SPINT2: variants seen among roughly 807,000 people sequenced by gnomAD.
The protein encoded by SPINT2 is kunitz-type protease inhibitor 2.
SPINT2 carries 18 observed loss-of-function variants against 30.1 expected under a neutral mutation model. That is an observed-to-expected ratio of 0.60 (90% CI 0.41 to 0.89). SPINT2 has a LOEUF of 0.89. Among genes scored for constraint, SPINT2 ranks in the 40% least tolerant of loss-of-function variants. The pLI, the probability that SPINT2 is intolerant of heterozygous loss-of-function variation, is 0.00. For synonymous variants in SPINT2, 139 were observed against 137.9 expected (o/e 1.01, Z -0.05); for missense variants, 276 against 334.3 (o/e 0.83, Z 1.36).
Position 38,289,064 on chromosome 19 carries a change from T to G in SPINT2, c.338-74T>G, listed in dbSNP as rs187841263. The G allele has an allele frequency of 1.3e-4, 181 of 1,433,760 alleles. 2 individuals are homozygous for G. The African/African-American group carries it at 2.4e-3, about 19-fold the overall frequency. The allele number at this position is 1,433,760 out of a possible 1,614,324, so 88.8% of individuals were successfully genotyped here. ...GTGTCCACACTCCTCAGTGGGCCCT[T>G]CCAGACCCAGACCCAGCTAGGCCTG... is the stretch of plus-strand genomic sequence containing the variant. On this transcript the variant is annotated intron_variant, in intron 3 of 6. Coordinates refer to ENST00000301244, the MANE Select transcript of SPINT2 (RefSeq NM_021102.4).
Position 38,264,818 on chromosome 19 carries a change from T to G in SPINT2, c.-75T>G. ...GAGGCGCTCCATTGCGCGTGCGCGT[T>G]GAGGGGCTTCCCGCACCTGATCGCG... is the stretch of plus-strand genomic sequence containing the variant. On this transcript the variant is annotated 5_prime_UTR_variant, in exon 1 of 7. Transcript: ENST00000301244. The G allele has an allele frequency of 2.1e-6, 3 of 1,453,088 alleles. No individual in the cohort carries two copies. Among genetic ancestry groups the G allele is most frequent in the Non-Finnish European group, 2.8e-6 (3 of 1,076,796 alleles). 90.0% of individuals were successfully genotyped at this position (1,453,088 alleles called of 1,614,324 possible).
chr19:38,269,269 T>C (rs530622086), intron 1 of SPINT2, among the ~76,000 whole-genome samples: 1 of 151,926 alleles, frequency 6.6e-6, no homozygotes, highest in East Asian at 1.9e-4. Flanking sequence ...GGCTAATTTT[T>C]TGTATTTTTA....
In SPINT2 at chr19:38,273,057, A is replaced by G. The variant is rs112040934; in HGVS notation, c.106+8059A>G. Among the ~76,000 whole-genome samples the G allele has an allele frequency of 8.9e-3, 1,350 of 152,160 alleles. 15 individuals are homozygous for G. Among genetic ancestry groups the G allele is most frequent in the Non-Finnish European group, 0.014 (934 of 68,000 alleles). ...ACTTTTATATCTAAATATTTTATATAGAAAATACCAAGATTTTATATCTGA... is the reference window on the plus strand; with the variant it reads ...ACTTTTATATCTAAATATTTTATATGGAAAATACCAAGATTTTATATCTGA... On this transcript the variant is annotated intron_variant, in intron 1 of 6. Coordinates refer to ENST00000301244, the MANE Select transcript of SPINT2 (RefSeq NM_021102.4).
chr19:38,267,480 G>A (rs1021265587), intron 1 of SPINT2, among the ~76,000 whole-genome samples: 2 of 152,048 alleles, frequency 1.3e-5, no homozygotes, highest in South Asian at 4.1e-4. Context: ...ACATGAGGGG[G>A]CGGAGGGCCG....
chr19:38,274,028 C>G (rs1171421981), intron 1 of SPINT2, among the ~76,000 whole-genome samples: 1 of 151,784 alleles, frequency 6.6e-6, no homozygotes, highest in Non-Finnish European at 1.5e-5. Context: ...CCCAGGACTT[C>G]AATACTAGTC....
chr19:38,268,766 C>CGCGT (rs375982086), intron 1 of SPINT2, among the ~76,000 whole-genome samples: 8 of 149,922 alleles, frequency 5.3e-5, no homozygotes, highest in African/African-American at 1.7e-4. Context: ...TGCGCGCGCG[C>CGCGT]GTGTGTGTGT....
chr19:38,269,400 C>CTTTTTT (rs397859727), intron 1 of SPINT2, among the ~76,000 whole-genome samples: 1 of 64,896 alleles, frequency 1.5e-5, no homozygotes, highest in African/African-American at 7.4e-5. Flanking sequence ...TCTCCTGCAC[C>CTTTTTT]TTTTTTTTTT....
intron 1 of SPINT2, among the ~76,000 whole-genome samples, chr19:38,269,705 G>A: frequency 6.6e-6 from 1 of 151,338 alleles, no homozygotes; most frequent in East Asian, 1.9e-4. Flanking sequence ...CCGCCTCCTG[G>A]GTTCACACCA....
intron 1 of SPINT2, among the ~76,000 whole-genome samples, chr19:38,268,766 C>CGCGTGTGTGTGT (rs375982086): frequency 2.7e-5 from 4 of 149,818 alleles, no homozygotes; most frequent in African/African-American, 9.8e-5. Context: ...TGCGCGCGCG[C>CGCGTGTGTGTGT]GTGTGTGTGT....
rs1968729064 is a variant in SPINT2 at position 38,292,090 on chromosome 19, A to G, written c.*84A>G. 6.5e-7 allele frequency: 1 copy of G among 1,537,288 alleles called. No individual in the cohort carries two copies. The highest frequency in any genetic ancestry group is 8.8e-7 in the Non-Finnish European group (1 of 1,134,838). ...AAATAGAGGGATTGACTCGGATTTG[A>G]GTGATCATTAGGGCTGAGGTCTGTT... On this transcript the variant is annotated 3_prime_UTR_variant, in exon 7 of 7. Transcript: ENST00000301244.
In SPINT2 at chr19:38,283,176, A is replaced by G. The variant is rs561928633; in HGVS notation, c.107-451A>G. 5.3e-5 allele frequency among the ~76,000 whole-genome samples: 8 copies of G among 152,138 alleles called. No homozygotes were observed. The East Asian group carries it at 1.4e-3, about 26-fold the overall frequency. On this transcript the variant is annotated intron_variant, in intron 1 of 6. Transcript: ENST00000301244. ...AAAGTTCAGAAAAAAAAAGCCCAGC[A>G]TGGTGGCGCACGCCTGTAGTTCCAG...
At chr19:38,271,663 C>T (rs1240328255) in intron 1 of SPINT2, among the ~76,000 whole-genome samples, 1 of 151,546 alleles carries the variant, frequency 6.6e-6, no homozygotes, top group Non-Finnish European at 1.5e-5. Context: ...GAAACCCCAT[C>T]TCTACTAAAA....
chr19:38,268,444 A>T (rs1297549559), intron 1 of SPINT2, among the ~76,000 whole-genome samples: 1 of 152,176 alleles, frequency 6.6e-6, no homozygotes, highest in Non-Finnish European at 1.5e-5. Flanking sequence ...GGGATTTTTT[A>T]AACGTAAAAA....
chr19:38,285,691 AAAAT>A (rs1179503627), intron 2 of SPINT2, among the ~76,000 whole-genome samples: 1 of 152,226 alleles, frequency 6.6e-6, no homozygotes, highest in East Asian at 1.9e-4. Flanking sequence ...CTTTAAGTAA[AAAAT>A]AAATAAAAAT....
intron 1 of SPINT2, 58 bp downstream of exon 1, chr19:38,265,056 A>AACGGGGGTCT: frequency 7.7e-7 from 1 of 1,296,768 alleles, no homozygotes; most frequent in East Asian, 3.1e-5. Flanking sequence ...CTCGGGGGTC[A>AACGGGGGTCT]ACGGGGGTCT....
chr19:38,292,220 C>A lies in SPINT2; in HGVS notation c.*214C>A. 1 of 588,476 alleles carries A rather than the reference C, an allele frequency of 1.7e-6. No homozygotes were observed. The highest frequency in any genetic ancestry group is 2.9e-6 in the Non-Finnish European group (1 of 339,060). 36.5% of individuals were successfully genotyped at this position (588,476 alleles called of 1,614,324 possible). A position where few individuals can be genotyped will look rare whatever the true frequency, so the allele number is the denominator to read the frequency against. ...GCATGGCCTGCAGTCTGGCAGCAGC[C>A]CCGAGTTGTTTCCTCGCTGATCGAT... On this transcript the variant is annotated 3_prime_UTR_variant, in exon 7 of 7. Coordinates refer to ENST00000301244, the MANE Select transcript of SPINT2 (RefSeq NM_021102.4).
rs770622186 is a variant in SPINT2, at chr19:38,283,652, G to A, written c.132G>A (p.Val44=). ...IHDFCLVSKV[V]GRCRASMPRW... ...ACTTCTGCCTGGTGTCGAAGGTGGT[G>A]GGCAGATGCCGGGCCTCCATGCCTA... The change falls in exon 2 of 7, where the codon GTG becomes GTA. Residue 44 remains valine, a synonymous_variant. Coordinates refer to ENST00000301244, the MANE Select transcript of SPINT2 (RefSeq NM_021102.4). 1.2e-6 allele frequency: 2 copies of A among 1,614,058 alleles called. No homozygotes were observed. Among genetic ancestry groups the A allele is most frequent in the South Asian group, 2.2e-5 (2 of 91,076 alleles).
chr19:38,275,743 T>G (rs1968509967), intron 1 of SPINT2, among the ~76,000 whole-genome samples: 1 of 140,324 alleles, frequency 7.1e-6, no homozygotes, highest in Admixed American at 7.3e-5. Context: ...ATTTTTTTTT[T>G]TTTTTGAGAG....
chr19:38,278,308 T>C (rs1968542761), intron 1 of SPINT2, among the ~76,000 whole-genome samples: 1 of 152,158 alleles, frequency 6.6e-6, no homozygotes, highest in South Asian at 2.1e-4. Flanking sequence ...TGCAGTGGCT[T>C]TTTCTTCCCA....
Sources: allele counts gnomAD v4.1 joint callset (sites outside exome capture counted in the v4.1 genomes callset), GRCh38; gene constraint gnomAD v4.1.1; transcripts MANE v1.5; gene names NCBI Gene and HGNC (gene_info 2026-07-23, HGNC 2026-07-21).